H2BC18: variants seen among roughly 807,000 people sequenced by gnomAD.
H2BC18 encodes the protein histone H2B type 2-F.
Under a neutral mutation model 6.3 loss-of-function variants are expected in H2BC18, and 8 were observed. That is an observed-to-expected ratio of 1.28 (90% CI 0.75 to 2.31). The LOEUF (loss-of-function observed/expected upper bound fraction) is 2.31. Ranked by LOEUF, H2BC18 falls within the 30% of genes most tolerant of loss-of-function variation. The probability of loss-of-function intolerance (pLI) is 0.00; values close to 1 mark genes in which losing one functional copy is unlikely to be tolerated. For synonymous variants in H2BC18, 104 were observed against 78.1 expected (o/e 1.33, Z -1.75); for missense variants, 106 against 174.5 (o/e 0.61, Z 2.21).
intron 1 of H2BC18, among the ~76,000 whole-genome samples, chr1:149,793,488 G>T (rs1329208773): frequency 1.3e-5 from 2 of 152,168 alleles, no homozygotes; most frequent in African/African-American, 4.8e-5. Context: ...AAGATTACAG[G>T]ACTGACAATG....
At chr1:149,802,668 G>T (rs1271018821) in intron 1 of H2BC18, among the ~76,000 whole-genome samples, 3 of 152,292 alleles carry the variant, frequency 2.0e-5, no homozygotes, top group South Asian at 2.1e-4. Context: ...AGCCAGTAGT[G>T]GTTCAGTCTG....
chr1:149,809,785 C>G (rs1553754224), downstream of H2BC18, among the ~76,000 whole-genome samples: 1 of 149,820 alleles, frequency 6.7e-6, no homozygotes, highest in East Asian at 1.9e-4. Context: ...AAAAGCTTCT[C>G]AGAGTGAGAT....
chr1:149,800,368 C>T (rs1247366192), intron 1 of H2BC18, among the ~76,000 whole-genome samples: 2 of 151,668 alleles, frequency 1.3e-5, no homozygotes, highest in East Asian at 2.0e-4. Context: ...CATTGGTGAT[C>T]GGCTTAACCT....
At chr1:149,793,194 C>T (rs1553752403) in intron 1 of H2BC18, 2 of 1,277,486 alleles carry the variant, frequency 1.6e-6, no homozygotes, top group Middle Eastern at 3.1e-4. Context: ...GCTGGGCTCC[C>T]AGCAGGCGCC....
At chr1:149,787,181 A>G (rs1235210605) in intron 1 of H2BC18, 4 of 152,194 alleles carry the variant, frequency 2.6e-5, no homozygotes, top group Non-Finnish European at 5.9e-5. Context: ...AATTAATTCT[A>G]TTTGGAAGCA....
At chr1:149,787,347 T>C (rs1394735285) in intron 1 of H2BC18, 2 of 152,240 alleles carry the variant, frequency 1.3e-5, no homozygotes, top group Non-Finnish European at 2.9e-5. Flanking sequence ...CCAAACCAAC[T>C]GCCTCTGGAG....
At chr1:149,784,367 A>C in intron 1 of H2BC18, 1 of 1,606,518 alleles carries the variant, frequency 6.2e-7, no homozygotes, top group Non-Finnish European at 8.5e-7. Context: ...TGCAGGTCTC[A>C]GCACTATGTA....
chr1:149,807,728 C>T (rs1247498641), downstream of H2BC18, among the ~76,000 whole-genome samples: 12 of 151,540 alleles, frequency 7.9e-5, no homozygotes, highest in East Asian at 1.9e-3. Flanking sequence ...CGCTTGAACC[C>T]GAGAGGCAAA....
intron 1 of H2BC18, chr1:149,793,173 G>A (rs1456417211): frequency 1.8e-5 from 23 of 1,279,568 alleles, no homozygotes; most frequent in Non-Finnish European, 2.2e-5. Flanking sequence ...CACAGGAAAC[G>A]GGAGGACGGC....
chr1:149,787,333 T>TC (rs1553750942), intron 1 of H2BC18: 1 of 152,238 alleles, frequency 6.6e-6, no homozygotes, highest in Non-Finnish European at 1.5e-5. Context: ...CCATTTTTAC[T>TC]TAGCCAAACC....
At chr1:149,793,150 A>G (rs775391035) in intron 1 of H2BC18, 4 of 1,276,326 alleles carry the variant, frequency 3.1e-6, no homozygotes, top group Non-Finnish European at 3.0e-6. Context: ...CGCGGAGAGG[A>G]GGATTGGTAG....
intron 1 of H2BC18, among the ~76,000 whole-genome samples, chr1:149,784,655 C>T (rs1402319525): frequency 1.4e-4 from 21 of 146,428 alleles, no homozygotes; most frequent in African/African-American, 2.2e-4. Flanking sequence ...TATATATATA[C>T]ATATTATGCA....
downstream of H2BC18, among the ~76,000 whole-genome samples, chr1:149,808,709 T>C (rs2091946122): frequency 6.6e-6 from 1 of 152,226 alleles, no homozygotes; most frequent in Non-Finnish European, 1.5e-5. Context: ...GCCTAGAAGA[T>C]TTTTATCAAG....
intron 1 of H2BC18, chr1:149,792,332 G>T: frequency 9.7e-6 from 3 of 308,806 alleles, no homozygotes; most frequent in Non-Finnish European, 1.6e-5. Context: ...TGCCTCCAGA[G>T]ATTTGCTTTA....
In H2BC18 at chr1:149,803,884, A is replaced by G. The variant is rs587759337; in HGVS notation, c.377+8063T>C. On this transcript the variant is annotated intron_variant, in intron 1 of 1. Coordinates refer to the H2BC18 transcript ENST00000545683. ...TGCCACTCTTTGGACTGTAATTTGAAGAGAAAAAACCTTGTTTTCTTGTGA... is the reference window on the plus strand; with the variant it reads ...TGCCACTCTTTGGACTGTAATTTGAGGAGAAAAAACCTTGTTTTCTTGTGA... 7.2e-5 allele frequency: 11 copies of G among 152,324 alleles called. No individual in the cohort carries two copies. In the East Asian group the frequency reaches 2.1e-3, roughly 29 times the overall value. The allele number at this position is 152,324 out of a possible 1,614,324, so 9.4% of individuals were successfully genotyped here.
At chr1:149,796,646 C>T (rs1386689419) in intron 1 of H2BC18, among the ~76,000 whole-genome samples, 1 of 152,204 alleles carries the variant, frequency 6.6e-6, no homozygotes, top group Non-Finnish European at 1.5e-5. Context: ...CTTGGTCCTG[C>T]ACTTAAGTAG....
chr1:149,811,353 G>C (rs1242965157), downstream of H2BC18: 1 of 158,484 alleles, frequency 6.3e-6, no homozygotes, highest in African/African-American at 2.4e-5. Flanking sequence ...ATATCTCCCT[G>C]TTTGAAGTCA....
chr1:149,787,257 C>T (rs1419444741), intron 1 of H2BC18: 1 of 152,184 alleles, frequency 6.6e-6, no homozygotes, highest in African/African-American at 2.4e-5. Flanking sequence ...GCCTTCCATT[C>T]TTAGATAAGT....
chr1:149,805,056 C>T (rs1432634750), intron 1 of H2BC18, among the ~76,000 whole-genome samples: 31 of 152,134 alleles, frequency 2.0e-4, no homozygotes, highest in Admixed American at 3.3e-4. Context: ...GTGAGAGCCA[C>T]GTTATGTGTA....
Sources: gnomAD v4.1 joint callset for allele counts (sites outside exome capture counted in the v4.1 genomes callset) on GRCh38, gnomAD v4.1.1 for gene constraint, MANE v1.5 for transcripts, NCBI Gene and HGNC (gene_info 2026-07-23, HGNC 2026-07-21) for gene names.